Variants in VRK2 observed in about 807,000 individuals in gnomAD.
The protein encoded by VRK2 is serine/threonine-protein kinase VRK2.
Under a neutral mutation model 57.6 loss-of-function variants are expected in VRK2, and 60 were observed. The observed-to-expected ratio is 1.04, with a 90% confidence interval of 0.85 to 1.29. VRK2 has a LOEUF of 1.29. Among genes scored for constraint, VRK2 ranks in the 50% most tolerant of loss-of-function variants. The pLI is 0.00. For synonymous variants in VRK2, 231 were observed against 199.2 expected, an observed-to-expected ratio of 1.16 and a Z score of -1.35; for missense variants, 705 against 588.1, an observed-to-expected ratio of 1.20 and a Z score of -2.06.
At chr2:57,956,904 T>G (rs1260229454) in intron 1 of VRK2, among the ~76,000 whole-genome samples, 4 of 152,208 alleles carry the variant, frequency 2.6e-5, no homozygotes, top group African/African-American at 9.6e-5. Flanking sequence ...GCAAATGTAG[T>G]TTGGGATCTC....
At chr2:57,981,339 C>A (rs974198503) in intron 1 of VRK2, among the ~76,000 whole-genome samples, 5 of 152,132 alleles carry the variant, frequency 3.3e-5, no homozygotes, top group African/African-American at 1.2e-4. Flanking sequence ...GGAACTTCTA[C>A]CCTGGGTGGG....
At chr2:58,153,280 A>ACCATTGAAGAACATTTGGTTTCTTT (rs1683324691) in intron 12 of VRK2, among the ~76,000 whole-genome samples, 1 of 152,016 alleles carries the variant, frequency 6.6e-6, no homozygotes, top group Non-Finnish European at 1.5e-5. Context: ...GTATGGATAT[A>ACCATTGAAGAACATTTGGTTTCTTT]CCATTGAAGA....
intron 5 of VRK2, 53 bp downstream of exon 5, chr2:58,086,479 G>A (rs144425187): frequency 1.4e-6 from 2 of 1,445,210 alleles, no homozygotes; most frequent in East Asian, 4.8e-5. Flanking sequence ...TCCTTATGTG[G>A]TCTATGAGTT....
At chr2:58,053,406 G>A (rs1676047467) in intron 2 of VRK2, among the ~76,000 whole-genome samples, 3 of 152,138 alleles carry the variant, frequency 2.0e-5, no homozygotes, top group Admixed American at 2.0e-4. Context: ...GACATTTTTG[G>A]ATCATGTTGT....
At chr2:58,140,928 C>T (rs1014196283) in intron 11 of VRK2, among the ~76,000 whole-genome samples, 1 of 151,972 alleles carries the variant, frequency 6.6e-6, no homozygotes, top group Non-Finnish European at 1.5e-5. Flanking sequence ...TAATTAACTA[C>T]CAGTGAGAAT....
At chr2:57,971,380 T>C (rs1355497287) in intron 1 of VRK2, among the ~76,000 whole-genome samples, 1 of 151,992 alleles carries the variant, frequency 6.6e-6, no homozygotes, top group South Asian at 2.1e-4. Context: ...GGGTTCACCA[T>C]AAACCACATT....
chr2:58,149,871 A>T lies in VRK2; in HGVS notation c.1182+3397A>T, dbSNP rs79186165. On this transcript the variant is annotated intron_variant, in intron 12 of 12. Coordinates refer to ENST00000340157, the MANE Select transcript of VRK2 (RefSeq NM_006296.7). ...TGGGATAAACCTCCAGTTAGGCATG[A>T]TGTGTTTTCCTGCTGAATTCTGTTT... 2.0e-5 allele frequency among the ~76,000 whole-genome samples: 3 copies of T among 151,510 alleles called. No homozygotes were observed. In the East Asian group the frequency reaches 5.8e-4, roughly 29 times the overall value.
At chr2:57,941,545 T>C (rs901038666) in intron 1 of VRK2, among the ~76,000 whole-genome samples, 32 of 152,362 alleles carry the variant, frequency 2.1e-4, no homozygotes, top group African/African-American at 7.5e-4. Flanking sequence ...ACCTTTTCTA[T>C]ATCGATCAAA....
chr2:58,159,836 G>A lies in VRK2; in HGVS notation c.*143G>A, dbSNP rs1288486988. ...AGAACATATTTTAACAAAGTTTGTG[G>A]ACACTCTAAAAAATAAAATTGCTTT... On this transcript the variant is annotated 3_prime_UTR_variant, in exon 13 of 13. Coordinates refer to ENST00000340157, the MANE Select transcript of VRK2 (RefSeq NM_006296.7). The A allele has an allele frequency of 6.2e-7, 1 of 1,609,424 alleles. No individual in the cohort carries two copies. The highest frequency in any genetic ancestry group is 8.5e-7 in the Non-Finnish European group (1 of 1,178,416).
At chr2:58,045,260 C>A (rs1354524416), upstream of VRK2, among the ~76,000 whole-genome samples, 1 of 152,132 alleles carries the variant, frequency 6.6e-6, no homozygotes, top group African/African-American at 2.4e-5. Context: ...GGTAAGGGTG[C>A]TAAGTGATAG....
chr2:58,159,711 C>A lies in VRK2; in HGVS notation c.*18C>A. 6.2e-7 allele frequency: 1 copy of A among 1,611,702 alleles called. No homozygotes were observed. The highest frequency in any genetic ancestry group is 8.5e-7 in the Non-Finnish European group (1 of 1,179,012). ...TTCTCTGAAGATGATACCAAAATTC[C>A]TTTTGATAATTTTTTAAGTTTCCAG... is the stretch of plus-strand genomic sequence containing the variant. On this transcript the variant is annotated 3_prime_UTR_variant, in exon 13 of 13. Coordinates refer to ENST00000340157, the MANE Select transcript of VRK2 (RefSeq NM_006296.7).
intron 2 of VRK2, among the ~76,000 whole-genome samples, chr2:58,049,299 A>G (rs1032772489): frequency 1.3e-5 from 2 of 152,200 alleles, no homozygotes; most frequent in Non-Finnish European, 2.9e-5. Context: ...ACAACTGTAT[A>G]GATAAAAACA....
chr2:57,937,520 T>C (rs1044657327), intron 1 of VRK2, among the ~76,000 whole-genome samples: 1 of 152,242 alleles, frequency 6.6e-6, no homozygotes, highest in Non-Finnish European at 1.5e-5. Context: ...ATATTTTGAA[T>C]AGTGTAAGTG....
chr2:58,046,855 GA>G lies in VRK2; in HGVS notation c.-18del, dbSNP rs1323035200. On this transcript the variant is annotated 5_prime_UTR_variant, in exon 1 of 13. Coordinates refer to ENST00000340157, the MANE Select transcript of VRK2 (RefSeq NM_006296.7). ...CGGTGCGCGCGGCCCGGCGACGGGG[GA>G]TCCTGAGGCCCGGTCAGTCTCTTGC... 1 of 985,376 alleles carries G rather than the reference GA, an allele frequency of 1.0e-6. No homozygotes were observed. Among genetic ancestry groups the G allele is most frequent in the African/African-American group, 1.7e-5 (1 of 57,260 alleles). The allele number at this position is 985,376 out of a possible 1,614,324, so 61.0% of individuals were successfully genotyped here. A position where few individuals can be genotyped will look rare whatever the true frequency, so the allele number is the denominator to read the frequency against.
chr2:58,037,007 C>G (rs374809041), intron 3 of VRK2, among the ~76,000 whole-genome samples: 71 of 152,076 alleles, frequency 4.7e-4, no homozygotes, highest in Middle Eastern at 6.8e-3. Flanking sequence ...GGTGCAGTCA[C>G]TACTCACTGT....
At chr2:57,975,577 T>C (rs1158112993) in intron 1 of VRK2, among the ~76,000 whole-genome samples, 12 of 151,906 alleles carry the variant, frequency 7.9e-5, no homozygotes, top group Admixed American at 7.9e-4. Flanking sequence ...AGGTTTGGTC[T>C]TCTACTGATC....
At chr2:58,151,048 G>T (rs555840182) in intron 12 of VRK2, among the ~76,000 whole-genome samples, 5 of 151,746 alleles carry the variant, frequency 3.3e-5, no homozygotes, top group African/African-American at 1.2e-4. Flanking sequence ...CCAAGGAAAA[G>T]GCCTAGTTTA....
chr2:58,151,300 G>A (rs1451011231), intron 12 of VRK2, among the ~76,000 whole-genome samples: 1 of 151,450 alleles, frequency 6.6e-6, no homozygotes, highest in Non-Finnish European at 1.5e-5. Flanking sequence ...TATGTTCTTG[G>A]TTAACTGTCC....
intron 1 of VRK2, among the ~76,000 whole-genome samples, chr2:57,962,300 T>A (rs1671785810): frequency 6.6e-6 from 1 of 152,154 alleles, no homozygotes; most frequent in South Asian, 2.1e-4. Context: ...AGAGAGACAA[T>A]TCGTGGGCTA....
Sources: allele counts gnomAD v4.1 joint callset (sites outside exome capture counted in the v4.1 genomes callset), GRCh38; gene constraint gnomAD v4.1.1; transcripts MANE v1.5; gene names NCBI Gene and HGNC (gene_info 2026-07-23, HGNC 2026-07-21).